The following CAPS2 variants were observed in gnomAD, a reference collection of about 807,000 sequenced individuals.
CAPS2 encodes calcyphosine 2.
CAPS2 carries 98 observed loss-of-function variants against 86.5 expected under a neutral mutation model. The ratio of observed to expected loss-of-function variants is 1.13; its 90% CI spans 0.96 to 1.34. The LOEUF (loss-of-function observed/expected upper bound fraction) is 1.34, where lower values mean the gene tolerates loss of function less well. Among genes scored for constraint, CAPS2 ranks in the 40% most tolerant of loss-of-function variants. CAPS2 has a pLI of 0.00. For synonymous variants in CAPS2, 210 were observed against 225.1 expected (o/e 0.93, Z 0.60); for missense variants, 729 against 686.8 (o/e 1.06, Z -0.69).
At chr12:75,359,311 A>G (rs1286950485) in intron 1 of CAPS2, among the ~76,000 whole-genome samples, 1 of 138,000 alleles carries the variant, frequency 7.2e-6, no homozygotes, top group African/African-American at 2.8e-5. Flanking sequence ...ATAGCGACAT[A>G]TATGTTGTTC....
At chr12:75,301,134 ATTAAGAG>A (rs1273101965) in intron 8 of CAPS2, among the ~76,000 whole-genome samples, 2 of 152,228 alleles carry the variant, frequency 1.3e-5, no homozygotes, top group African/African-American at 4.8e-5. Flanking sequence ...TCTCCTTTAT[ATTAAGAG>A]ATCTGAAGAC....
At chr12:75,339,601 T>C (rs922684011) in intron 1 of CAPS2, among the ~76,000 whole-genome samples, 9 of 152,302 alleles carry the variant, frequency 5.9e-5, no homozygotes, top group African/African-American at 2.2e-4. Context: ...TTAGATACCA[T>C]TTGTCCATTT....
intron 1 of CAPS2, among the ~76,000 whole-genome samples, chr12:75,345,311 T>A (rs971918844): frequency 3.9e-5 from 6 of 152,156 alleles, no homozygotes; most frequent in Non-Finnish European, 4.4e-5. Flanking sequence ...TGTTGCCTAA[T>A]GTCTTGAAAA....
chr12:75,311,813 A>G (rs1326830310), intron 7 of CAPS2, among the ~76,000 whole-genome samples: 1 of 151,478 alleles, frequency 6.6e-6, no homozygotes, highest in Non-Finnish European at 1.5e-5. Context: ...AGAACTGAGA[A>G]ATCATTAGTC....
At chr12:75,282,037 A>G (rs2034044707) in intron 16 of CAPS2, among the ~76,000 whole-genome samples, 1 of 152,134 alleles carries the variant, frequency 6.6e-6, no homozygotes, top group Non-Finnish European at 1.5e-5. Context: ...TGAGTTCTAT[A>G]TTGATAATAA....
intron 16 of CAPS2, among the ~76,000 whole-genome samples, chr12:75,280,610 T>C (rs888268056): frequency 6.6e-6 from 1 of 151,814 alleles, no homozygotes; most frequent in South Asian, 2.1e-4. Context: ...ATATTTAGTA[T>C]GACTAATTAA....
At chr12:75,304,726 T>C in intron 8 of CAPS2, 31 bp downstream of exon 8, 1 of 1,467,530 alleles carries the variant, frequency 6.8e-7, no homozygotes, top group Non-Finnish European at 9.3e-7. Context: ...ACATAGTGCA[T>C]CCTCATTTTA....
intron 11 of CAPS2, chr12:75,295,118 C>A (rs963013808): frequency 2.0e-5 from 3 of 152,032 alleles, no homozygotes; most frequent in Non-Finnish European, 4.4e-5. Context: ...TGTGTAACAG[C>A]GAGACCATGT....
At chr12:75,366,348 A>T (rs964179473) in intron 1 of CAPS2, among the ~76,000 whole-genome samples, 1 of 152,190 alleles carries the variant, frequency 6.6e-6, no homozygotes, top group Admixed American at 6.5e-5. Flanking sequence ...CTCAGTAGAA[A>T]AGTAACAGCA....
downstream of CAPS2, chr12:75,276,197 T>C (rs2137908765): frequency 2.6e-6 from 4 of 1,540,304 alleles, no homozygotes; most frequent in Non-Finnish European, 3.5e-6. Context: ...TTCTTTGTTT[T>C]AAGCGCTTTC....
chr12:75,375,280 A>C (rs1455430362), intron 1 of CAPS2, among the ~76,000 whole-genome samples: 1 of 152,120 alleles, frequency 6.6e-6, no homozygotes, highest in Admixed American at 6.6e-5. Flanking sequence ...CTGAGCTAAA[A>C]TTCCATTAAT....
At chr12:75,354,614 A>G (rs1269392212) in intron 1 of CAPS2, among the ~76,000 whole-genome samples, 1 of 152,224 alleles carries the variant, frequency 6.6e-6, no homozygotes, top group Non-Finnish European at 1.5e-5. Context: ...TTCTTCACAG[A>G]ATTAGAAAAA....
intron 5 of CAPS2, 83 bp from the exon 6 acceptor site, chr12:75,316,517 G>T: frequency 1.7e-6 from 2 of 1,212,060 alleles, no homozygotes; most frequent in African/African-American, 1.6e-5. Context: ...AGATAACTAC[G>T]GAATATCTCA....
At chr12:75,287,678 C>T (rs909895026) in intron 14 of CAPS2, among the ~76,000 whole-genome samples, 5 of 152,118 alleles carry the variant, frequency 3.3e-5, no homozygotes, top group South Asian at 2.1e-4. Flanking sequence ...ACTCTTTTCC[C>T]GATACTTTGC....
At position 75,379,582 on chromosome 12, in the gene CAPS2, G is replaced by T. The variant is rs141295498; in HGVS notation, c.-395+11256C>A. 7.5e-3 allele frequency among the ~76,000 whole-genome samples: 1,142 copies of T among 152,222 alleles called. 10 individuals are homozygous for T. Among genetic ancestry groups the T allele is most frequent in the African/African-American group, 0.026 (1,083 of 41,530 alleles). Reference sequence around the variant, plus strand: ...TGCTAGACAAACTGCTCTAGGCTTAGCTTTTTCAAACTACTGAGAATAGTT... The same window carrying T: ...TGCTAGACAAACTGCTCTAGGCTTATCTTTTTCAAACTACTGAGAATAGTT... On this transcript the variant is annotated intron_variant, in intron 1 of 5. Transcript: ENST00000551829.
chr12:75,330,081 G>T (rs1247589898), upstream of CAPS2: 2 of 395,866 alleles, frequency 5.1e-6, no homozygotes, highest in African/African-American at 4.1e-5. Flanking sequence ...AACAGGCGCC[G>T]CAGCGCAGGG....
rs528086887 is a variant in CAPS2 at position 75,353,385 on chromosome 12, G to A, written c.-394-30163C>T. On this transcript the variant is annotated intron_variant, in intron 1 of 5. Coordinates refer to the CAPS2 transcript ENST00000551829. The stretch of plus-strand genomic sequence containing the variant: ...TAAACACCTCTGTGCAAATCACTTG[G>A]AAAATCTAGAAGAAATTGATAAATT... Among the ~76,000 whole-genome samples, 184 of 152,248 alleles carry A rather than the reference G, an allele frequency of 1.2e-3. 2 individuals are homozygous for A. The South Asian group carries it at 0.017, about 14-fold the overall frequency.
upstream of CAPS2, among the ~76,000 whole-genome samples, chr12:75,333,620 C>A (rs1011066045): frequency 6.6e-6 from 1 of 152,100 alleles, no homozygotes; most frequent in Non-Finnish European, 1.5e-5. Flanking sequence ...AGGATCCTTG[C>A]ATTTTTCGTT....
At chr12:75,363,596 A>G (rs913474366) in intron 1 of CAPS2, among the ~76,000 whole-genome samples, 2 of 152,198 alleles carry the variant, frequency 1.3e-5, no homozygotes, top group Admixed American at 1.3e-4. Flanking sequence ...TTTCTCTTTC[A>G]TGATCAGCTT....
Sources: allele counts gnomAD v4.1 joint callset (sites outside exome capture counted in the v4.1 genomes callset), GRCh38; gene constraint gnomAD v4.1.1; transcripts MANE v1.5; gene names NCBI Gene and HGNC (gene_info 2026-07-23, HGNC 2026-07-21).